Variants in LCA5L observed in about 807,000 individuals in gnomAD.
LCA5L encodes lebercilin LCA5 like, also known as lebercilin-like protein.
A neutral mutation model predicts 45.4 loss-of-function variants in LCA5L; 35 were observed. The ratio of observed to expected loss-of-function variants is 0.77; its 90% CI spans 0.59 to 1.02. The LOEUF (loss-of-function observed/expected upper bound fraction) is 1.02. Ranked by LOEUF, LCA5L falls within the 50% of genes least tolerant of loss-of-function variation. LCA5L has a pLI of 0.00. For missense variants in LCA5L, 668 were observed against 761.6 expected (o/e 0.88, Z 1.45); for synonymous variants, 233 against 264.7 (o/e 0.88, Z 1.16).
At chr21:39,412,555 G>A (rs2147236466) in intron 7 of LCA5L, among the ~76,000 whole-genome samples, 1 of 152,246 alleles carries the variant, frequency 6.6e-6, no homozygotes, top group South Asian at 2.1e-4. Context: ...TATGAAGTAA[G>A]GAGGAAGGAA....
intron 7 of LCA5L, among the ~76,000 whole-genome samples, chr21:39,412,316 G>T (rs892932001): frequency 1.3e-5 from 2 of 152,128 alleles, no homozygotes; most frequent in African/African-American, 4.8e-5. Flanking sequence ...CAAGGGCCGG[G>T]GGGGAAGCCT....
At chr21:39,425,960 G>T in intron 5 of LCA5L, 1 of 152,588 alleles carries the variant, frequency 6.6e-6, no homozygotes. Flanking sequence ...GTCAAGAAGT[G>T]CACAGAGGGC....
chr21:39,416,702 C>T (rs2041231225), intron 7 of LCA5L, among the ~76,000 whole-genome samples: 1 of 152,038 alleles, frequency 6.6e-6, no homozygotes, highest in Non-Finnish European at 1.5e-5. Flanking sequence ...TTCTCAATGA[C>T]AACACCATAA....
chr21:39,406,597 T>C lies in LCA5L; in HGVS notation c.1298A>G (p.Glu433Gly), dbSNP rs1221093606. The C allele has an allele frequency of 6.3e-7, 1 of 1,581,350 alleles. No individual in the cohort carries two copies. The highest frequency in any genetic ancestry group is 8.6e-7 in the Non-Finnish European group (1 of 1,167,806). The change falls in exon 11 of 11, where the codon GAG becomes GGG. Residue 433 changes from glutamate to glycine, a missense_variant. Transcript: ENST00000288350. ...KRKYEDLSGEEKHLEVQILLE... is the reference protein window; with the variant it reads ...KRKYEDLSGEGKHLEVQILLE... Reference sequence around the variant, plus strand: ...CAGTATTTGGACTTCCAAATGTTTCTCTTCCCCTGATAAATCTATATTAGA... The same window carrying C: ...CAGTATTTGGACTTCCAAATGTTTCCCTTCCCCTGATAAATCTATATTAGA...
intron 10 of LCA5L, among the ~76,000 whole-genome samples, chr21:39,407,630 TC>T (rs994337487): frequency 2.5e-4 from 38 of 152,164 alleles, no homozygotes; most frequent in Non-Finnish European, 8.8e-5. Flanking sequence ...ATGAGCTGGA[TC>T]CATGTGAACT....
At chr21:39,444,009 G>C (rs1336284771) in intron 2 of LCA5L, 126 bp downstream of exon 2, 8 of 148,778 alleles carry the variant, frequency 5.4e-5, no homozygotes, top group Admixed American at 5.4e-4. Context: ...CAGCCTGGCC[G>C]ACAGAGTAAG....
At chr21:39,417,858 C>G (rs186524739) in intron 7 of LCA5L, among the ~76,000 whole-genome samples, 1 of 152,240 alleles carries the variant, frequency 6.6e-6, no homozygotes, top group South Asian at 2.1e-4. Context: ...CTCCGCCTCC[C>G]GAGTTCACAC....
chr21:39,418,009 A>G lies in LCA5L; in HGVS notation c.975+2697T>C, dbSNP rs552652723. On this transcript the variant is annotated intron_variant, in intron 7 of 10. Transcript: ENST00000288350. ...TCTCCATCTCCTGACCTCGTGATCC[A>G]CCCACCTTGGCCTCCCAAAGTGCTG... Among the ~76,000 whole-genome samples, 13 of 152,090 alleles carry G rather than the reference A, an allele frequency of 8.5e-5. No homozygotes were observed. The South Asian group carries it at 1.7e-3, about 19-fold the overall frequency.
At chr21:39,424,968 G>A (rs770458524) in intron 5 of LCA5L, among the ~76,000 whole-genome samples, 3 of 152,210 alleles carry the variant, frequency 2.0e-5, no homozygotes, top group African/African-American at 4.8e-5. Context: ...ACACAGCTAG[G>A]AAGTGGTGAG....
At chr21:39,419,652 G>A (rs537092640) in intron 7 of LCA5L, among the ~76,000 whole-genome samples, 8 of 152,236 alleles carry the variant, frequency 5.3e-5, no homozygotes, top group Non-Finnish European at 8.8e-5. Flanking sequence ...AGGTGATTAG[G>A]TCACAAGGGC....
chr21:39,409,950 T>G lies in LCA5L; in HGVS notation c.1282+29A>C. ...AATTCACAATTTTAAAGAAATCAGA[T>G]AAGATAGACTTTAAAGAGTTAAAAT... On this transcript the variant is annotated intron_variant, in intron 10 of 10. Coordinates refer to ENST00000288350, the MANE Select transcript of LCA5L (RefSeq NM_152505.4). This position sits in a 1 kb window ranked among gnomAD's most constrained non-coding sequence, Gnocchi z 4.2. The G allele has an allele frequency of 8.1e-7, 1 of 1,230,384 alleles. No individual in the cohort carries two copies. Among genetic ancestry groups the G allele is most frequent in the South Asian group, 1.3e-5 (1 of 78,822 alleles). 76.2% of individuals were successfully genotyped at this position (1,230,384 alleles called of 1,614,324 possible). A position where few individuals can be genotyped will look rare whatever the true frequency, so the allele number is the denominator to read the frequency against.
At chr21:39,445,606 G>C (rs1382614373) in intron 1 of LCA5L, 119 bp downstream of exon 1, 1 of 152,830 alleles carries the variant, frequency 6.5e-6, no homozygotes, top group Admixed American at 6.5e-5. Flanking sequence ...CGAGGACTGA[G>C]TGACCGGCGA....
At chr21:39,440,500 T>C (rs1205579194) in intron 2 of LCA5L, among the ~76,000 whole-genome samples, 1 of 151,982 alleles carries the variant, frequency 6.6e-6, no homozygotes, top group Non-Finnish European at 1.5e-5. Flanking sequence ...ATGCCAACAC[T>C]GCACTCCAGC....
In LCA5L at chr21:39,428,456, T is replaced by G. The variant is rs139366516; in HGVS notation, c.38A>C (p.Glu13Ala). 8.1e-6 allele frequency: 13 copies of G among 1,610,764 alleles called. No individual in the cohort carries two copies. The African/African-American group carries it at 1.2e-4, about 15-fold the overall frequency. ...TTCTAATGCCACGCCGAAGAAATGC[T>G]CATCTATATTTGTTTTTGTTAGATC... Reference protein sequence around the residue: ...LADLTKTNIDEHFFGVALENN... With the variant: ...LADLTKTNIDAHFFGVALENN... The change falls in exon 5 of 11, where the codon GAG becomes GCG. Residue 13 changes from glutamate (E) to alanine (A), a missense_variant. Physicochemically the swap from Glu to Ala is moderately radical, Grantham distance 107. Transcript: ENST00000288350.
At chr21:39,429,678 G>C (rs1036996877) in intron 3 of LCA5L, among the ~76,000 whole-genome samples, 1 of 152,082 alleles carries the variant, frequency 6.6e-6, no homozygotes, top group Non-Finnish European at 1.5e-5. Flanking sequence ...GCTGTGTAGC[G>C]GTGGGCAGAA....
intron 2 of LCA5L, among the ~76,000 whole-genome samples, chr21:39,442,546 G>C (rs1602001746): frequency 1.3e-5 from 2 of 152,256 alleles, no homozygotes; most frequent in African/African-American, 4.8e-5. Flanking sequence ...GCTGAATGAA[G>C]GTGGTGGTTT....
chr21:39,442,531 G>A (rs1205322737), intron 2 of LCA5L, among the ~76,000 whole-genome samples: 1 of 152,148 alleles, frequency 6.6e-6, no homozygotes, highest in East Asian at 1.9e-4. Flanking sequence ...ACAGGACTGC[G>A]GCAGGCTGAA....
At position 39,406,135 on chromosome 21, in the gene LCA5L, T is replaced by A. The variant is rs1462185192; in HGVS notation, c.1760A>T (p.Lys587Met). The A allele has an allele frequency of 6.2e-7, 1 of 1,614,252 alleles. No individual in the cohort carries two copies. Among genetic ancestry groups the A allele is most frequent in the Admixed American group, 1.7e-5 (1 of 60,032 alleles). Residue 587 changes from lysine to methionine, a missense_variant, in exon 11 of 11, where the codon AAG becomes ATG. Physicochemically the swap from Lys to Met is moderately conservative, Grantham distance 95. Transcript: ENST00000288350. The part of the protein sequence containing the change: ...SFGKSSRIKV[K>M]DTTFRDKKSS... ...TTTCTTATCTCTGAAAGTTGTATCC[T>A]TCACTTTTATTCTGGAAGACTTACC...
At position 39,420,855 on chromosome 21, in the gene LCA5L, A is replaced by G. The variant is rs760947394; in HGVS notation, c.838-12T>C. ...TGTTTTTCCAAGCTCTGAAAACAGT[A>G]TATATTATAACTATTCTGCAACCAA... On this transcript the variant is annotated splice_polypyrimidine_tract_variant and intron_variant, in intron 6 of 10. Coordinates refer to ENST00000288350, the MANE Select transcript of LCA5L (RefSeq NM_152505.4). 1.2e-5 allele frequency: 20 copies of G among 1,601,880 alleles called. No individual in the cohort carries two copies. The South Asian group carries it at 2.2e-4, about 18-fold the overall frequency.
Sources: allele counts gnomAD v4.1 joint callset (sites outside exome capture counted in the v4.1 genomes callset), GRCh38; gene constraint gnomAD v4.1.1; non-coding constraint Gnocchi (gnomAD v3.1); transcripts MANE v1.5; gene names NCBI Gene and HGNC (gene_info 2026-07-23, HGNC 2026-07-21).